The following UTY variants were observed in gnomAD, a reference collection of about 807,000 sequenced individuals.
UTY encodes the protein ubiquitously transcribed tetratricopeptide repeat containing, Y-linked.
Under a neutral mutation model 32.5 loss-of-function variants are expected in UTY, and 12 were observed. The ratio of observed to expected loss-of-function variants is 0.37; its 90% CI spans 0.24 to 0.60. The LOEUF is 0.60. Among genes scored for constraint, UTY ranks in the 20% least tolerant of loss-of-function variants. The pLI, the probability that UTY is intolerant of heterozygous loss-of-function variation, is 0.69. For missense variants in UTY, 303 were observed against 299.2 expected (o/e 1.01, Z -0.09); for synonymous variants, 131 against 103.4 (o/e 1.27, Z -1.62).
In UTY at chrY:13,280,677, A is replaced by C. The variant is rs779894109; in HGVS notation, c.4010+17030T>G. 1.5e-3 allele frequency among the ~76,000 whole-genome samples: 49 copies of C among 32,070 alleles called. No homozygotes were observed. The South Asian group carries it at 0.028, about 18-fold the overall frequency. The allele number at this position is 32,070 out of a possible 37,273, so 86.0% of individuals were successfully genotyped here. A position where few individuals can be genotyped will look rare whatever the true frequency, so the allele number is the denominator to read the frequency against. ...CAGGCGCCCACCACCACGCCCAGCTAATTTTTGTATTTTTTTTAGTAGAAA... is the reference window on the plus strand; with the variant it reads ...CAGGCGCCCACCACCACGCCCAGCTCATTTTTGTATTTTTTTTAGTAGAAA... On this transcript the variant is annotated intron_variant, in intron 27 of 29. Transcript: ENST00000545955.
intron 27 of UTY, among the ~76,000 whole-genome samples, chrY:13,290,134 C>T (rs991560536): frequency 3.1e-5 from 1 of 32,267 alleles, no homozygotes; most frequent in Non-Finnish European, 7.6e-5. Flanking sequence ...AAAAAAGGAG[C>T]AAATCAAACC....
At chrY:13,340,828 G>A (rs1018714066) in intron 17 of UTY, among the ~76,000 whole-genome samples, 3 of 33,155 alleles carry the variant, frequency 9.0e-5, no homozygotes, top group Non-Finnish European at 2.2e-4. Flanking sequence ...ACAGAAGAGC[G>A]CCGTAGTTAT....
intron 3 of UTY, among the ~76,000 whole-genome samples, chrY:13,449,558 A>G: frequency 3.0e-5 from 1 of 32,999 alleles, no homozygotes; most frequent in Non-Finnish European, 7.5e-5. Flanking sequence ...CAAATCATAT[A>G]AAGTAGTTGT....
At chrY:13,264,858 A>T (rs2055621453) in intron 27 of UTY, among the ~76,000 whole-genome samples, 1 of 33,565 alleles carries the variant, frequency 3.0e-5, no homozygotes, top group Non-Finnish European at 7.4e-5. Flanking sequence ...GTTTTCTTCC[A>T]GGGTTTTTAT....
At chrY:13,397,167 T>C in intron 6 of UTY, among the ~76,000 whole-genome samples, 195 bp from the exon 7 acceptor site, 10 of 33,647 alleles carry the variant, frequency 3.0e-4, no homozygotes, top group African/African-American at 1.1e-3. Context: ...GTTATTTCCC[T>C]GAGATAGTTA....
intron 8 of UTY, among the ~76,000 whole-genome samples, chrY:13,376,600 TG>T (rs2065413351): frequency 1.2e-4 from 4 of 32,960 alleles, no homozygotes; most frequent in African/African-American, 4.8e-4. Context: ...AAACCAGAAT[TG>T]GAAGTGTAAA....
downstream of UTY, among the ~76,000 whole-genome samples, chrY:13,247,600 AGAGCTTGAACCCAG>A (rs2053963418): frequency 3.0e-5 from 1 of 33,059 alleles, no homozygotes; most frequent in East Asian, 7.9e-4. Context: ...CTGTGACAGA[AGAGCTTGAACCCAG>A]GAGCTTGAAC....
chrY:13,261,895 T>C (rs369069077), intron 27 of UTY, among the ~76,000 whole-genome samples: 316 of 33,023 alleles, frequency 9.6e-3, no homozygotes, highest in South Asian at 0.041. Context: ...TGAGTTTTTG[T>C]GTGTATGAAA....
At chrY:13,356,074 A>G in intron 15 of UTY, 56 bp from the exon 16 acceptor site, 1 of 241,910 alleles carries the variant, frequency 4.1e-6, no homozygotes, top group Non-Finnish European at 6.4e-6. Flanking sequence ...AAGACAATAT[A>G]AGGCAACTCC....
chrY:13,444,440 G>C, intron 4 of UTY, among the ~76,000 whole-genome samples: 3 of 33,739 alleles, frequency 8.9e-5, no homozygotes, highest in Non-Finnish European at 1.5e-4. Context: ...AGTGAAATCA[G>C]TCAGTAATTA....
chrY:13,472,456 T>C, intron 2 of UTY, among the ~76,000 whole-genome samples: 1 of 32,582 alleles, frequency 3.1e-5, no homozygotes, highest in East Asian at 7.9e-4. Context: ...GAATCTCTTA[T>C]ACACTTTCAT....
At chrY:13,476,029 G>A in intron 2 of UTY, 2 of 218,894 alleles carry the variant, frequency 9.1e-6, no homozygotes, top group South Asian at 1.8e-4. Flanking sequence ...ACTCCATCTC[G>A]GGGGAAAAAA....
chrY:13,235,278 G>A (rs73621772), intron 28 of UTY, among the ~76,000 whole-genome samples: 1,892 of 33,327 alleles, frequency 0.057, no homozygotes, highest in African/African-American at 0.22. Context: ...GGGCCCCTGA[G>A]AGTGCAGAGA....
chrY:13,276,364 T>A, intron 27 of UTY, among the ~76,000 whole-genome samples: 1 of 33,678 alleles, frequency 3.0e-5, no homozygotes, highest in Non-Finnish European at 7.4e-5. Flanking sequence ...AAACCCCAAA[T>A]AAACTAAGCA....
At chrY:13,370,846 C>G in intron 8 of UTY, among the ~76,000 whole-genome samples, 11 of 32,284 alleles carry the variant, frequency 3.4e-4, no homozygotes, top group Admixed American at 3.2e-3. Flanking sequence ...CCCAGGAGTT[C>G]AAGACCAGTC....
chrY:13,432,096 A>C, intron 4 of UTY, among the ~76,000 whole-genome samples: 1 of 34,127 alleles, frequency 2.9e-5, no homozygotes. Context: ...ATGAAAACTA[A>C]AGGCATTGAT....
At chrY:13,274,289 C>T (rs111855605) in intron 27 of UTY, among the ~76,000 whole-genome samples, 1 of 33,018 alleles carries the variant, frequency 3.0e-5, no homozygotes, top group African/African-American at 1.2e-4. Flanking sequence ...CCTTGACAGG[C>T]CCTTCCCTGT....
intron 18 of UTY, among the ~76,000 whole-genome samples, chrY:13,328,118 A>G (rs1603407973): frequency 6.1e-5 from 2 of 32,935 alleles, no homozygotes; most frequent in East Asian, 1.6e-3. Context: ...TCCCAGCTAC[A>G]TGGGAGGCTG....
chrY:13,422,157 A>C (rs2072655555), intron 4 of UTY, among the ~76,000 whole-genome samples: 1 of 33,657 alleles, frequency 3.0e-5, no homozygotes, highest in East Asian at 7.7e-4. Flanking sequence ...ATTTGTCACA[A>C]AATGTCAACC....
Sources: allele counts gnomAD v4.1 joint callset (sites outside exome capture counted in the v4.1 genomes callset), GRCh38; gene constraint gnomAD v4.1.1; transcripts MANE v1.5; gene names NCBI Gene and HGNC (gene_info 2026-07-23, HGNC 2026-07-21).